The following CGNL1 variants were observed in gnomAD, a reference collection of about 807,000 sequenced individuals.
CGNL1 encodes cingulin-like protein 1.
A neutral mutation model predicts 141.2 loss-of-function variants in CGNL1; 132 were observed. The observed-to-expected ratio is 0.93, with a 90% CI of 0.81 to 1.08. The LOEUF (loss-of-function observed/expected upper bound fraction) is 1.08. Ranked by LOEUF, CGNL1 falls within the 50% of genes least tolerant of loss-of-function variation. CGNL1 has a pLI of 0.00. For missense variants in CGNL1, 1,870 were observed against 1,588.6 expected, an observed-to-expected ratio of 1.18 and a Z score of -3.01; for synonymous variants, 690 against 622.1, an observed-to-expected ratio of 1.11 and a Z score of -1.63.
chr15:57,507,576 A>G (rs2064120316), intron 8 of CGNL1, among the ~76,000 whole-genome samples: 1 of 152,234 alleles, frequency 6.6e-6, no homozygotes, highest in Non-Finnish European at 1.5e-5. Flanking sequence ...TATAAGCAAG[A>G]AAATTGCCAC....
In CGNL1 at chr15:57,496,956, C is replaced by G. The variant is rs1257646038; in HGVS notation, c.2404-19824C>G. Among the ~76,000 whole-genome samples the G allele has an allele frequency of 2.0e-5, 3 of 152,158 alleles. No individual in the cohort carries two copies. The East Asian group carries it at 5.8e-4, about 29-fold the overall frequency. On this transcript the variant is annotated intron_variant, in intron 8 of 18. Coordinates refer to ENST00000281282, the MANE Select transcript of CGNL1 (RefSeq NM_032866.5). ...AGGCACAGCAACAGCTCTGTGGTTGCTGAGTCCGGCAATGCTGAGAAGGAT... is the reference window on the plus strand; with the variant it reads ...AGGCACAGCAACAGCTCTGTGGTTGGTGAGTCCGGCAATGCTGAGAAGGAT...
intron 1 of CGNL1, among the ~76,000 whole-genome samples, chr15:57,405,359 T>G (rs2152259213): frequency 6.6e-6 from 1 of 152,338 alleles, no homozygotes; most frequent in Middle Eastern, 3.4e-3. Context: ...GTCTGATTTC[T>G]CCCATCACTC....
In CGNL1 at chr15:57,453,699, A is replaced by G. The variant is rs2063346638; in HGVS notation, c.2071A>G (p.Met691Val). The G allele has an allele frequency of 6.2e-7, 1 of 1,613,770 alleles. No individual in the cohort carries two copies. The change falls in exon 7 of 19, where the codon ATG (methionine) becomes GTG (valine). Residue 691 changes from methionine (M) to valine (V), a missense_variant. Physicochemically the swap from Met to Val is conservative, Grantham distance 21. Transcript: ENST00000281282. ...KNLEELFQVK[M>V]EREQHQTEIR... is the part of the protein sequence containing the mutation. ...CCCTGCCAGGCTATTCCAGGTGAAG[A>G]TGGAACGGGAGCAGCATCAGACTGA...
At chr15:57,540,049 G>A (rs186486612) in intron 14 of CGNL1, among the ~76,000 whole-genome samples, 17 of 152,238 alleles carry the variant, frequency 1.1e-4, no homozygotes, top group Non-Finnish European at 1.5e-4. Flanking sequence ...ACTACTCTCT[G>A]TCTTCCTCTC....
rs115900403 is a variant in CGNL1, at chr15:57,441,721, G to A, written c.1698-652G>A. On this transcript the variant is annotated intron_variant, in intron 3 of 18. Transcript: ENST00000281282. ...TATTTTTTGGCACATGATTTATTGAGACATTGGTAAGACAGACTTTAGTGG... is the reference window on the plus strand; with the variant it reads ...TATTTTTTGGCACATGATTTATTGAAACATTGGTAAGACAGACTTTAGTGG... 5.1e-3 allele frequency among the ~76,000 whole-genome samples: 770 copies of A among 152,220 alleles called. 5 individuals are homozygous for A. Among genetic ancestry groups the A allele is most frequent in the African/African-American group, 0.018 (738 of 41,550 alleles).
intron 4 of CGNL1, among the ~76,000 whole-genome samples, chr15:57,449,848 A>G (rs768628675): frequency 9.9e-5 from 15 of 152,224 alleles, no homozygotes; most frequent in Middle Eastern, 3.4e-3. Flanking sequence ...CATTTCCCTT[A>G]GTAGTGTGCA....
intron 8 of CGNL1, among the ~76,000 whole-genome samples, chr15:57,471,361 C>T (rs1394511094): frequency 6.6e-6 from 1 of 152,188 alleles, no homozygotes; most frequent in Non-Finnish European, 1.5e-5. Context: ...GGATCCCTCA[C>T]ATGGAGAGGT....
intron 1 of CGNL1, among the ~76,000 whole-genome samples, chr15:57,390,588 A>G (rs1370703943): frequency 6.6e-6 from 1 of 152,210 alleles, no homozygotes; most frequent in Admixed American, 6.5e-5. Context: ...AGAATGAATA[A>G]GACGGAAGAG....
At chr15:57,412,876 T>C (rs922239922) in intron 1 of CGNL1, among the ~76,000 whole-genome samples, 18 of 152,168 alleles carry the variant, frequency 1.2e-4, no homozygotes, top group African/African-American at 4.3e-4. Context: ...TTTTTTTTCT[T>C]TTTGAGACGG....
In CGNL1 at chr15:57,546,072, G is replaced by A; in HGVS notation, c.3610-4G>A. 1 of 1,611,824 alleles carries A rather than the reference G, an allele frequency of 6.2e-7. No individual in the cohort carries two copies. Among genetic ancestry groups the A allele is most frequent in the East Asian group, 2.2e-5 (1 of 44,866 alleles). ...CACTCAGCCCACATTCTCTCCCGGT[G>A]CAGCTGAGCTTGCGTTTGAAAGCCA... On this transcript the variant is annotated splice_polypyrimidine_tract_variant and splice_region_variant and intron_variant, in intron 17 of 18. Transcript: ENST00000281282.
intron 1 of CGNL1, among the ~76,000 whole-genome samples, chr15:57,394,981 A>G (rs925296556): frequency 1.6e-4 from 24 of 152,300 alleles, no homozygotes; most frequent in Non-Finnish European, 2.6e-4. Context: ...GCATGGTGGC[A>G]TACGCCTGTA....
At chr15:57,429,161 C>G (rs2152293755) in intron 1 of CGNL1, among the ~76,000 whole-genome samples, 1 of 152,254 alleles carries the variant, frequency 6.6e-6, no homozygotes, top group South Asian at 2.1e-4. Context: ...CAGTGTGAAC[C>G]TGAGCATAAG....
At chr15:57,403,735 A>G (rs965601455) in intron 1 of CGNL1, among the ~76,000 whole-genome samples, 6 of 152,230 alleles carry the variant, frequency 3.9e-5, no homozygotes, top group African/African-American at 9.6e-5. Context: ...ATCTAAATAG[A>G]TGGAGGTGAC....
intron 8 of CGNL1, among the ~76,000 whole-genome samples, chr15:57,498,760 T>A (rs115888012): frequency 1.3e-5 from 2 of 151,880 alleles, no homozygotes; most frequent in African/African-American, 4.8e-5. Flanking sequence ...GAGGTGAGGA[T>A]TGGTAGAGAG....
At chr15:57,431,023 A>G (rs963314372) in intron 1 of CGNL1, among the ~76,000 whole-genome samples, 3 of 152,012 alleles carry the variant, frequency 2.0e-5, no homozygotes, top group Admixed American at 6.6e-5. Context: ...CGCCTGGCCA[A>G]CTCCAGATTT....
Position 57,452,306 on chromosome 15 carries a change from G to C in CGNL1, c.2054+17G>C, listed in dbSNP as rs780037334. On this transcript the variant is annotated intron_variant, in intron 6 of 18. Transcript: ENST00000281282. ...TCTGGAGGAGTAAGTTCTGGGCTGA[G>C]AGCCTGTTGCCCTTCCCAGGTTCTC... 1 of 1,608,192 alleles carries C rather than the reference G, an allele frequency of 6.2e-7. No homozygotes were observed. Among genetic ancestry groups the C allele is most frequent in the Admixed American group, 1.7e-5 (1 of 59,302 alleles).
intron 14 of CGNL1, among the ~76,000 whole-genome samples, chr15:57,538,801 C>T (rs1486786623): frequency 6.6e-6 from 1 of 152,362 alleles, no homozygotes; most frequent in East Asian, 1.9e-4. Context: ...CTTCTGGGCT[C>T]CACAGTCCCG....
intron 7 of CGNL1, among the ~76,000 whole-genome samples, chr15:57,455,475 G>GT (rs1185326803): frequency 1.3e-5 from 2 of 152,192 alleles, no homozygotes; most frequent in Non-Finnish European, 2.9e-5. Flanking sequence ...GTCACTGTGA[G>GT]TTGCCCCCTG....
chr15:57,429,289 G>A (rs1329547269), intron 1 of CGNL1, among the ~76,000 whole-genome samples: 1 of 152,038 alleles, frequency 6.6e-6, no homozygotes, highest in Non-Finnish European at 1.5e-5. Context: ...TTTATTTCTT[G>A]GACATTTTGG....
Sources: gnomAD v4.1 joint callset for allele counts (sites outside exome capture counted in the v4.1 genomes callset) on GRCh38, gnomAD v4.1.1 for gene constraint, MANE v1.5 for transcripts, NCBI Gene and HGNC (gene_info 2026-07-23, HGNC 2026-07-21) for gene names.